LRRC28: variants seen among roughly 807,000 people sequenced by gnomAD.
LRRC28 encodes the protein leucine rich repeat containing 28.
A neutral mutation model predicts 45.7 loss-of-function variants in LRRC28; 39 were observed. The ratio of observed to expected loss-of-function variants is 0.85; its 90% CI spans 0.66 to 1.12. The LOEUF (loss-of-function observed/expected upper bound fraction) is 1.12. Among genes scored for constraint, LRRC28 ranks in the 50% most tolerant of loss-of-function variants. LRRC28 has a pLI of 0.00. For missense variants in LRRC28, 435 were observed against 438.5 expected, an observed-to-expected ratio of 0.99 and a Z score of 0.07; for synonymous variants, 206 against 178.8, an observed-to-expected ratio of 1.15 and a Z score of -1.22.
At chr15:99,324,797 T>TA (rs1955916882) in intron 5 of LRRC28, among the ~76,000 whole-genome samples, 1 of 152,138 alleles carries the variant, frequency 6.6e-6, no homozygotes. Flanking sequence ...TGTACAGACT[T>TA]ATGTTTGCTC....
At chr15:99,369,432 C>A (rs530426049) in intron 9 of LRRC28, among the ~76,000 whole-genome samples, 1 of 152,104 alleles carries the variant, frequency 6.6e-6, no homozygotes, top group East Asian at 1.9e-4. Context: ...CAAAGGCTGG[C>A]GCGTTCAGAA....
chr15:99,306,707 G>A (rs1209808380), intron 5 of LRRC28, among the ~76,000 whole-genome samples: 1 of 152,222 alleles, frequency 6.6e-6, no homozygotes, highest in Admixed American at 6.5e-5. Context: ...AAGAAGCCTA[G>A]TTTTATACCT....
intron 2 of LRRC28, among the ~76,000 whole-genome samples, chr15:99,268,512 A>G (rs1453445628): frequency 1.3e-5 from 2 of 152,162 alleles, no homozygotes; most frequent in Admixed American, 6.5e-5. Flanking sequence ...ACAAGTTTAA[A>G]TTCATTTTTC....
At chr15:99,382,370 T>C (rs750405629) in intron 9 of LRRC28, among the ~76,000 whole-genome samples, 3 of 152,264 alleles carry the variant, frequency 2.0e-5, no homozygotes, top group South Asian at 2.1e-4. Flanking sequence ...GTTTGCTCAG[T>C]TGGAAATGCA....
chr15:99,273,042 T>G (rs1366176099), intron 2 of LRRC28, among the ~76,000 whole-genome samples: 2 of 152,236 alleles, frequency 1.3e-5, no homozygotes, highest in African/African-American at 4.8e-5. Context: ...GTCTCTTATA[T>G]GCTGTACCTA....
At chr15:99,361,142 C>T (rs1957188164) in intron 7 of LRRC28, 194 bp from the exon 8 acceptor site, 2 of 564,556 alleles carry the variant, frequency 3.5e-6, no homozygotes, top group Non-Finnish European at 5.9e-6. Flanking sequence ...AGCTGAGTTC[C>T]AACTGATGAG....
intron 5 of LRRC28, among the ~76,000 whole-genome samples, chr15:99,322,038 G>T (rs1005865294): frequency 6.6e-5 from 10 of 152,172 alleles, no homozygotes; most frequent in African/African-American, 2.4e-4. Flanking sequence ...GGTTGGGAGG[G>T]TTGGGAAGGA....
intron 7 of LRRC28, among the ~76,000 whole-genome samples, chr15:99,359,604 A>T (rs1353667769): frequency 6.6e-6 from 1 of 152,316 alleles, no homozygotes; most frequent in East Asian, 1.9e-4. Context: ...TTCATTTTTC[A>T]TGGCCAGTGG....
intron 3 of LRRC28, among the ~76,000 whole-genome samples, chr15:99,277,791 A>ATACT (rs34315818): frequency 0.096 from 14,536 of 152,100 alleles, 969 homozygotes; most frequent in East Asian, 0.32. Flanking sequence ...TTGTCTCTAA[A>ATACT]TAAGTATGTA....
intron 6 of LRRC28, among the ~76,000 whole-genome samples, chr15:99,339,776 T>G (rs1483153918): frequency 6.6e-6 from 1 of 151,982 alleles, no homozygotes; most frequent in Non-Finnish European, 1.5e-5. Flanking sequence ...CATTGAGATT[T>G]ACAGAATAGC....
chr15:99,359,467 G>A (rs894036716), intron 7 of LRRC28, among the ~76,000 whole-genome samples: 1 of 152,158 alleles, frequency 6.6e-6, no homozygotes, highest in Non-Finnish European at 1.5e-5. Context: ...TAGTAACCAA[G>A]GAGGCATTTC....
chr15:99,354,068 T>C (rs767450666), intron 7 of LRRC28: 1 of 152,194 alleles, frequency 6.6e-6, no homozygotes, highest in Non-Finnish European at 1.5e-5. Flanking sequence ...ATTAACAGGA[T>C]AGTATCAAAC....
At chr15:99,255,005 T>C (rs921057638) in intron 1 of LRRC28, among the ~76,000 whole-genome samples, 2 of 152,214 alleles carry the variant, frequency 1.3e-5, no homozygotes, top group African/African-American at 4.8e-5. Flanking sequence ...TAATTTAAAC[T>C]AATGAGACTG....
intron 2 of LRRC28, chr15:99,257,539 C>T (rs968147695): frequency 1.1e-5 from 5 of 468,642 alleles, no homozygotes; most frequent in Non-Finnish European, 1.6e-5. Context: ...GCGGACCACG[C>T]GGCTGGAGGT....
At chr15:99,313,784 T>C (rs2152268643) in intron 5 of LRRC28, among the ~76,000 whole-genome samples, 1 of 152,310 alleles carries the variant, frequency 6.6e-6, no homozygotes, top group African/African-American at 2.4e-5. Context: ...TTGCCAGTTT[T>C]AGGGGACAAA....
At chr15:99,277,942 G>C (rs925775472) in intron 3 of LRRC28, among the ~76,000 whole-genome samples, 1 of 152,076 alleles carries the variant, frequency 6.6e-6, no homozygotes, top group Non-Finnish European at 1.5e-5. Flanking sequence ...TATCGTAAAT[G>C]AATTTTGTCA....
In LRRC28 at chr15:99,387,071, TTG is replaced by T. The variant is rs1597490064; in HGVS notation, c.*971_*972del. On this transcript the variant is annotated 3_prime_UTR_variant, in exon 10 of 10. Transcript: ENST00000301981. ...TACTTCCACTACTGGTTTTTTTTTG[TTG>T]TTGTTGAGACGGAGTCTCGCTCTGT... 4 of 119,348 alleles carry T rather than the reference TTG, an allele frequency of 3.4e-5. No homozygotes were observed. Among genetic ancestry groups the T allele is most frequent in the African/African-American group, 1.3e-4 (3 of 22,472 alleles). 7.4% of individuals were successfully genotyped at this position (119,348 alleles called of 1,614,324 possible).
chr15:99,269,905 T>G (rs1312635248), intron 2 of LRRC28, among the ~76,000 whole-genome samples: 1 of 152,178 alleles, frequency 6.6e-6, no homozygotes. Flanking sequence ...TAATGGTAAC[T>G]AGGACCCTGA....
intron 2 of LRRC28, chr15:99,258,324 A>T: frequency 6.8e-7 from 1 of 1,477,268 alleles, no homozygotes; most frequent in Non-Finnish European, 9.5e-7. Context: ...GTAATTGCTG[A>T]CCCAAGAGGA....
Sources: gnomAD v4.1 joint callset for allele counts (sites outside exome capture counted in the v4.1 genomes callset) on GRCh38, gnomAD v4.1.1 for gene constraint, MANE v1.5 for transcripts, NCBI Gene and HGNC (gene_info 2026-07-23, HGNC 2026-07-21) for gene names.